The following PCDHGA10 variants were observed in gnomAD, a reference collection of about 807,000 sequenced individuals.
PCDHGA10 encodes protocadherin gamma-A10.
PCDHGA10 carries 42 observed loss-of-function variants against 59.5 expected under a neutral mutation model. That is an observed-to-expected ratio of 0.71 (90% CI 0.55 to 0.91). The LOEUF is 0.91. Ranked by LOEUF, PCDHGA10 falls within the 40% of genes least tolerant of loss-of-function variation. The pLI is 0.00. For missense variants in PCDHGA10, 1,111 were observed against 1,198.2 expected (o/e 0.93, Z 1.07); for synonymous variants, 511 against 517.2 (o/e 0.99, Z 0.16).
rs1385408442 is a variant in PCDHGA10 at position 141,487,321 on chromosome 5, T to A, written c.2437-7486T>A. 1 of 1,614,198 alleles carries A rather than the reference T, an allele frequency of 6.2e-7. No homozygotes were observed. The highest frequency in any genetic ancestry group is 1.7e-5 in the Admixed American group (1 of 60,032). ...TCGTGGCACTACTCTCTAAGTGTCT[T>A]CGTGGGGCAGCCTGTGGAGTCACAT... is the stretch of plus-strand genomic sequence containing the variant. On this transcript the variant is annotated intron_variant, in intron 1 of 3. Transcript: ENST00000398610. This position sits in a 1 kb window ranked among gnomAD's most constrained non-coding sequence, Gnocchi z 5.0.
chr5:141,413,189 G>T lies in PCDHGA10; in HGVS notation c.14G>T (p.Arg5Met). Reference protein sequence around the residue: MAAQRNRSKESKDCS... With the variant: MAAQMNRSKESKDCS... ...AACCAGACTACAATGGCCGCTCAAA[G>T]GAATCGCTCAAAGGAATCAAAGGAT... is the stretch of plus-strand genomic sequence containing the variant. Residue 5 changes from arginine to methionine, a missense_variant, in exon 1 of 4, where the codon AGG becomes ATG. Coordinates refer to ENST00000398610, the MANE Select transcript of PCDHGA10 (RefSeq NM_018913.3). 1.2e-6 allele frequency: 2 copies of T among 1,606,972 alleles called. No individual in the cohort carries two copies. Among genetic ancestry groups the T allele is most frequent in the Middle Eastern group, 1.7e-4 (1 of 6,008 alleles).
At chr5:141,433,028 G>C in intron 1 of PCDHGA10, 1 of 1,614,116 alleles carries the variant, frequency 6.2e-7, no homozygotes, top group Non-Finnish European at 8.5e-7. Context: ...TTCCCACGAG[G>C]TTTCCCTCAC....
chr5:141,431,511 T>G lies in PCDHGA10; in HGVS notation c.2436+15900T>G, dbSNP rs1234369765. 6.2e-7 allele frequency: 1 copy of G among 1,614,018 alleles called. No individual in the cohort carries two copies. On this transcript the variant is annotated intron_variant, in intron 1 of 3. Transcript: ENST00000398610. The surrounding 1 kb of genome is among the most constrained non-coding windows in gnomAD (Gnocchi z 4.8). ...GCTCAGCCCGAGTACCGCGCGAGCGTTCCGGAGAATCTGGCCTTGGGCACG... is the reference window on the plus strand; with the variant it reads ...GCTCAGCCCGAGTACCGCGCGAGCGGTCCGGAGAATCTGGCCTTGGGCACG...
rs186638311 is a variant in PCDHGA10, at chr5:141,492,901, T to C, written c.2437-1906T>C. 3.7e-3 allele frequency among the ~76,000 whole-genome samples: 568 copies of C among 152,326 alleles called. 5 individuals carry two copies. The highest frequency in any genetic ancestry group is 0.011 in the Admixed American group (163 of 15,308). On this transcript the variant is annotated intron_variant, in intron 1 of 3. Coordinates refer to ENST00000398610, the MANE Select transcript of PCDHGA10 (RefSeq NM_018913.3). ...GAGATACAGGCTTTTGGCGCCGTCG[T>C]GATCACAATGTGCCCAGCGATCTAG...
intron 1 of PCDHGA10, chr5:141,428,368 C>A (rs1403173774): frequency 1.3e-5 from 7 of 544,884 alleles, no homozygotes; most frequent in Non-Finnish European, 2.4e-5. Flanking sequence ...GGTCGCCTTG[C>A]ACCTGCGATG....
intron 1 of PCDHGA10, chr5:141,423,965 T>C (rs911812056): frequency 8.1e-5 from 94 of 1,162,030 alleles, no homozygotes; most frequent in Admixed American, 1.3e-4. Context: ...TATTTTTCTA[T>C]TATCAGTGTA....
chr5:141,488,980 C>A, intron 1 of PCDHGA10: 1 of 392,340 alleles, frequency 2.5e-6, no homozygotes, highest in Non-Finnish European at 4.5e-6. Flanking sequence ...CAATCAGACT[C>A]AGAGCTGAGG....
intron 1 of PCDHGA10, chr5:141,419,467 C>T: frequency 6.2e-7 from 1 of 1,612,476 alleles, no homozygotes; most frequent in Non-Finnish European, 8.5e-7. Context: ...AGGCCCGCGA[C>T]CAGGGCTCGC....
chr5:141,435,904 C>G (rs967350870), intron 1 of PCDHGA10, among the ~76,000 whole-genome samples: 2 of 152,068 alleles, frequency 1.3e-5, no homozygotes, highest in Admixed American at 6.5e-5. Context: ...TGAAAGACAT[C>G]CAAGGGCTCT....
rs1163950013 is a variant in PCDHGA10 at position 141,512,955 on chromosome 5, A to G, written c.*1782A>G. 2 of 152,234 alleles carry G rather than the reference A, an allele frequency of 1.3e-5. No homozygotes were observed. The highest frequency in any genetic ancestry group is 2.9e-5 in the Non-Finnish European group (2 of 68,046). The allele number at this position is 152,234 out of a possible 1,614,324, so 9.4% of individuals were successfully genotyped here. ...GCTTTTTTTCTTCGACAAAAAAATA[A>G]TAAAACGTTTCTTCTGAAAAGCTGA... On this transcript the variant is annotated 3_prime_UTR_variant, in exon 4 of 4. Coordinates refer to ENST00000398610, the MANE Select transcript of PCDHGA10 (RefSeq NM_018913.3).
chr5:141,447,181 G>T (rs442221), intron 1 of PCDHGA10, among the ~76,000 whole-genome samples: 1 of 152,338 alleles, frequency 6.6e-6, no homozygotes, highest in Admixed American at 6.5e-5. Context: ...CTCTTGTCGC[G>T]CAGGCTGGAG....
In PCDHGA10 at chr5:141,477,080, A is replaced by G; in HGVS notation, c.2437-17727A>G. 1.9e-6 allele frequency: 3 copies of G among 1,614,254 alleles called. No homozygotes were observed. The highest frequency in any genetic ancestry group is 2.5e-6 in the Non-Finnish European group (3 of 1,180,042). ...GGACACCAAACTCCATGAGATTTAC[A>G]TCCAGGCCAAAGACAAGGGCGCCAA... On this transcript the variant is annotated intron_variant, in intron 1 of 3. Coordinates refer to ENST00000398610, the MANE Select transcript of PCDHGA10 (RefSeq NM_018913.3). The surrounding 1 kb of genome is among the most constrained non-coding windows in gnomAD (Gnocchi z 4.9).
In PCDHGA10 at chr5:141,415,454, A is replaced by G. The variant is rs899212436; in HGVS notation, c.2279A>G (p.Glu760Gly). Reference sequence around the variant, plus strand: ...GCTTTCCTGCAGACCTATTCCCACGAGGTCTCTCTCACCGCGGACTCGCGA... The same window carrying G: ...GCTTTCCTGCAGACCTATTCCCACGGGGTCTCTCTCACCGCGGACTCGCGA... ...VRAFLQTYSH[E>G]VSLTADSRKS... is the part of the protein sequence containing the mutation. The change falls in exon 1 of 4, where the codon GAG becomes GGG. Residue 760 changes from glutamate to glycine, a missense_variant. By Grantham distance (98) the Glu-to-Gly change is moderately conservative (BLOSUM62 -2). Coordinates refer to ENST00000398610, the MANE Select transcript of PCDHGA10 (RefSeq NM_018913.3). 2 of 1,614,162 alleles carry G rather than the reference A, an allele frequency of 1.2e-6. No individual in the cohort carries two copies. The highest frequency in any genetic ancestry group is 8.5e-7 in the Non-Finnish European group (1 of 1,180,030).
At chr5:141,426,850 C>T in intron 1 of PCDHGA10, 1 of 456,734 alleles carries the variant, frequency 2.2e-6, no homozygotes. Context: ...GGCAAGAACG[C>T]TCCAGAATTA....
intron 1 of PCDHGA10, among the ~76,000 whole-genome samples, chr5:141,445,415 C>A (rs1235584061): frequency 6.6e-6 from 1 of 152,140 alleles, no homozygotes; most frequent in Non-Finnish European, 1.5e-5. Context: ...TAACTGTCTG[C>A]TATATGCAAG....
intron 1 of PCDHGA10, chr5:141,423,750 TGGG>T: frequency 4.5e-5 from 13 of 287,436 alleles, no homozygotes; most frequent in South Asian, 1.7e-4. Flanking sequence ...GAAAACTGTT[TGGG>T]GGGGGGGTGG....
Position 141,477,197 on chromosome 5 carries a change from G to C in PCDHGA10, c.2437-17610G>C, listed in dbSNP as rs781504885. 6.2e-7 allele frequency: 1 copy of C among 1,614,210 alleles called. No homozygotes were observed. Among genetic ancestry groups the C allele is most frequent in the South Asian group, 1.1e-5 (1 of 91,082 alleles). On this transcript the variant is annotated intron_variant, in intron 1 of 3. Transcript: ENST00000398610. The surrounding 1 kb of genome is among the most constrained non-coding windows in gnomAD (Gnocchi z 4.9). ...CACAGTCACCTCCGTGTACAGCCCA[G>C]TACCCGAGGATGCCCCTCTGGGGAC...
intron 1 of PCDHGA10, among the ~76,000 whole-genome samples, chr5:141,448,831 G>C (rs985602153): frequency 4.6e-5 from 7 of 152,096 alleles, no homozygotes; most frequent in Non-Finnish European, 7.4e-5. Flanking sequence ...TGTAGTCCCA[G>C]CTACTCTGGA....
Position 141,505,388 on chromosome 5 carries a change from C to T in PCDHGA10, c.2496-5C>T, listed in dbSNP as rs756505223. ...TCTGTGCTCACCATCCTACTCTCTCCCCAGCTCCCAAAATGGCGATGACAC... is the reference window on the plus strand; with the variant it reads ...TCTGTGCTCACCATCCTACTCTCTCTCCAGCTCCCAAAATGGCGATGACAC... On this transcript the variant is annotated splice_polypyrimidine_tract_variant and splice_region_variant and intron_variant, in intron 2 of 3. Transcript: ENST00000398610. The T allele has an allele frequency of 6.2e-7, 1 of 1,613,972 alleles. No homozygotes were observed. The highest frequency in any genetic ancestry group is 2.2e-5 in the East Asian group (1 of 44,886).
Sources: allele counts gnomAD v4.1 joint callset (sites outside exome capture counted in the v4.1 genomes callset), GRCh38; gene constraint gnomAD v4.1.1; non-coding constraint Gnocchi (gnomAD v3.1); transcripts MANE v1.5; gene names NCBI Gene and HGNC (gene_info 2026-07-23, HGNC 2026-07-21).